REC114: variants seen among roughly 807,000 people sequenced by gnomAD.
REC114 encodes REC114 meiotic recombination protein.
Under a neutral mutation model 31.3 loss-of-function variants are expected in REC114, and 27 were observed. The ratio of observed to expected loss-of-function variants is 0.86; its 90% CI spans 0.64 to 1.19. The LOEUF (loss-of-function observed/expected upper bound fraction) is 1.19. Among genes scored for constraint, REC114 ranks in the 50% most tolerant of loss-of-function variants. REC114 has a pLI of 0.00. For missense variants in REC114, 344 were observed against 326.9 expected (o/e 1.05, Z -0.40); for synonymous variants, 134 against 127.7 (o/e 1.05, Z -0.33).
intron 2 of REC114, among the ~76,000 whole-genome samples, chr15:73,514,119 G>T (rs990202581): frequency 1.9e-4 from 29 of 152,024 alleles, no homozygotes; most frequent in African/African-American, 6.5e-4. Flanking sequence ...AGGACCCTCC[G>T]AGCCAGGTGT....
intron 4 of REC114, among the ~76,000 whole-genome samples, chr15:73,554,143 G>C (rs545566729): frequency 6.6e-6 from 1 of 152,328 alleles, no homozygotes; most frequent in East Asian, 1.9e-4. Flanking sequence ...AGAGCCAAGA[G>C]AGGGCATGAT....
At chr15:73,466,602 C>T (rs1012465566) in intron 1 of REC114, among the ~76,000 whole-genome samples, 14 of 152,120 alleles carry the variant, frequency 9.2e-5, no homozygotes, top group Non-Finnish European at 1.8e-4. Context: ...CCAAAAGGTA[C>T]AATTTACGCA....
intron 2 of REC114, among the ~76,000 whole-genome samples, chr15:73,523,920 T>G (rs528703062): frequency 7.7e-4 from 117 of 152,348 alleles, no homozygotes; most frequent in African/African-American, 2.7e-3. Flanking sequence ...ATAATTTGAT[T>G]GTCCCAGCAC....
chr15:73,529,328 C>T (rs191425236), intron 2 of REC114, among the ~76,000 whole-genome samples: 2 of 151,736 alleles, frequency 1.3e-5, no homozygotes, highest in African/African-American at 2.4e-5. Flanking sequence ...TTAGTAAAGA[C>T]GGGGTTTCAC....
Position 73,543,355 on chromosome 15 carries a change from G to A in REC114, c.333+2787G>A, listed in dbSNP as rs184159535. On this transcript the variant is annotated intron_variant, in intron 3 of 5. Coordinates refer to ENST00000331090, the MANE Select transcript of REC114 (RefSeq NM_001042367.2). ...TTTTTTGTTTGTTTGTTTTTGAGAC[G>A]GAGTTTCACTCTTGTTGCCCAGGCT... Among the ~76,000 whole-genome samples the A allele has an allele frequency of 3.9e-5, 6 of 152,086 alleles. No individual in the cohort carries two copies. The East Asian group carries it at 5.8e-4, about 15-fold the overall frequency.
chr15:73,544,686 T>C (rs1248418498), intron 3 of REC114, among the ~76,000 whole-genome samples: 1 of 152,214 alleles, frequency 6.6e-6, no homozygotes, highest in Non-Finnish European at 1.5e-5. Flanking sequence ...AATGATTTCG[T>C]CTAGCCAAGG....
At chr15:73,467,607 T>A (rs1036012372) in intron 1 of REC114, among the ~76,000 whole-genome samples, 6 of 152,250 alleles carry the variant, frequency 3.9e-5, no homozygotes, top group Non-Finnish European at 5.9e-5. Context: ...ACATAGTGGA[T>A]ACTTTGCTAT....
chr15:73,493,310 A>T (rs1019289796), intron 2 of REC114, among the ~76,000 whole-genome samples: 2 of 152,026 alleles, frequency 1.3e-5, no homozygotes, highest in East Asian at 3.9e-4. Flanking sequence ...ACTGTTGCTT[A>T]TTATCTGATC....
intron 1 of REC114, among the ~76,000 whole-genome samples, chr15:73,468,428 C>T (rs1173266146): frequency 1.3e-5 from 2 of 152,106 alleles, no homozygotes; most frequent in Admixed American, 6.6e-5. Flanking sequence ...TATTGATCTT[C>T]TATTCTGTAA....
At chr15:73,482,048 C>G (rs1476451758) in intron 2 of REC114, among the ~76,000 whole-genome samples, 1 of 152,134 alleles carries the variant, frequency 6.6e-6, no homozygotes, top group African/African-American at 2.4e-5. Context: ...CTCCAGAACT[C>G]TTCATCTTGC....
chr15:73,487,981 G>A (rs1893395196), intron 2 of REC114, among the ~76,000 whole-genome samples: 1 of 152,198 alleles, frequency 6.6e-6, no homozygotes, highest in Non-Finnish European at 1.5e-5. Context: ...TTAGCACCAT[G>A]TGGATGCTGT....
chr15:73,473,614 T>G (rs986376889), intron 1 of REC114, among the ~76,000 whole-genome samples: 1 of 152,186 alleles, frequency 6.6e-6, no homozygotes, highest in South Asian at 2.1e-4. Context: ...AAATATTGGC[T>G]TTTAATTTTA....
chr15:73,453,928 A>G (rs1388826654), intron 1 of REC114, among the ~76,000 whole-genome samples: 1 of 131,076 alleles, frequency 7.6e-6, no homozygotes, highest in Non-Finnish European at 1.6e-5. Flanking sequence ...ATGAGAACAC[A>G]TGGACATGGG....
intron 1 of REC114, among the ~76,000 whole-genome samples, chr15:73,457,560 C>T (rs1892934131): frequency 6.6e-6 from 1 of 152,180 alleles, no homozygotes; most frequent in Non-Finnish European, 1.5e-5. Flanking sequence ...GAAACTCGTG[C>T]CAAGAAGTAA....
intron 2 of REC114, among the ~76,000 whole-genome samples, chr15:73,496,785 A>G (rs1326949694): frequency 6.6e-6 from 1 of 152,216 alleles, no homozygotes; most frequent in Non-Finnish European, 1.5e-5. Context: ...CAATACTACT[A>G]ACTGATCTAC....
At chr15:73,505,580 G>A (rs535678761) in intron 2 of REC114, among the ~76,000 whole-genome samples, 71 of 151,896 alleles carry the variant, frequency 4.7e-4, no homozygotes, top group African/African-American at 1.7e-3. Context: ...CGCCCAGGCT[G>A]GAGAGCAGTG....
intron 2 of REC114, among the ~76,000 whole-genome samples, chr15:73,495,286 A>C (rs1893503458): frequency 1.3e-5 from 2 of 151,960 alleles, no homozygotes; most frequent in African/African-American, 4.8e-5. Flanking sequence ...GATTGTGTAG[A>C]CTGTCTTTAT....
chr15:73,474,566 A>G (rs1893183643), intron 2 of REC114, among the ~76,000 whole-genome samples: 1 of 152,212 alleles, frequency 6.6e-6, no homozygotes. Context: ...TTAGCTGTGA[A>G]TGGGGTCTAC....
At chr15:73,456,955 A>G (rs1459742854) in intron 1 of REC114, among the ~76,000 whole-genome samples, 3 of 152,172 alleles carry the variant, frequency 2.0e-5, no homozygotes, top group Non-Finnish European at 2.9e-5. Context: ...AGGAAAATTT[A>G]AAATAGTAAA....
Sources: allele counts gnomAD v4.1 joint callset (sites outside exome capture counted in the v4.1 genomes callset), GRCh38; gene constraint gnomAD v4.1.1; transcripts MANE v1.5; gene names NCBI Gene and HGNC (gene_info 2026-07-23, HGNC 2026-07-21).